ERC1: variants seen among roughly 807,000 people sequenced by gnomAD.
ERC1 encodes the protein ELKS/RAB6-interacting/CAST family member 1, also known as RAB6 interacting protein 2.
Under a neutral mutation model 132.0 loss-of-function variants are expected in ERC1, and 56 were observed. The observed-to-expected ratio is 0.42, with a 90% CI of 0.34 to 0.53. The LOEUF (loss-of-function observed/expected upper bound fraction) is 0.53. Among genes scored for constraint, ERC1 ranks in the 20% least tolerant of loss-of-function variants. The probability of loss-of-function intolerance (pLI) is 0.03; values close to 1 mark genes in which losing one functional copy is unlikely to be tolerated. For synonymous variants in ERC1, 478 were observed against 476.1 expected, an observed-to-expected ratio of 1.00 and a Z score of -0.05; for missense variants, 1,202 against 1,349.9, an observed-to-expected ratio of 0.89 and a Z score of 1.72.
chr12:1,444,323 A>ATGAAGCCAGCGTTCT (rs1395214281), intron 17 of ERC1: 2 of 383,650 alleles, frequency 5.2e-6, no homozygotes, highest in Non-Finnish European at 9.3e-6. Context: ...GTGTGAATAT[A>ATGAAGCCAGCGTTCT]TGAAGCCAGC....
intron 9 of ERC1, among the ~76,000 whole-genome samples, chr12:1,180,963 C>T (rs1954391752): frequency 6.6e-6 from 1 of 151,980 alleles, no homozygotes; most frequent in Non-Finnish European, 1.5e-5. Flanking sequence ...AAGCATGAGC[C>T]ACCATGCCCA....
chr12:1,482,848 C>A (rs1289436671), intron 18 of ERC1, among the ~76,000 whole-genome samples: 1 of 152,122 alleles, frequency 6.6e-6, no homozygotes, highest in South Asian at 2.1e-4. Flanking sequence ...AGTTGTGCAG[C>A]CATCACCATA....
intron 6 of ERC1, among the ~76,000 whole-genome samples, chr12:1,114,112 C>T (rs1240343562): frequency 1.3e-5 from 2 of 152,084 alleles, no homozygotes; most frequent in Non-Finnish European, 2.9e-5. Flanking sequence ...CAACCTCTGA[C>T]TCCCTGGTTC....
At chr12:1,326,532 T>C (rs528015915) in intron 15 of ERC1, among the ~76,000 whole-genome samples, 13 of 152,338 alleles carry the variant, frequency 8.5e-5, no homozygotes, top group African/African-American at 2.2e-4. Flanking sequence ...CAGCATTCTT[T>C]ATCAAAGCCA....
chr12:1,461,108 A>G (rs1398941802), intron 18 of ERC1, among the ~76,000 whole-genome samples: 1 of 151,958 alleles, frequency 6.6e-6, no homozygotes, highest in South Asian at 2.1e-4. Flanking sequence ...ATTCAAAAGA[A>G]TGTTGTAGAA....
intron 16 of ERC1, among the ~76,000 whole-genome samples, chr12:1,396,443 G>A (rs768145285): frequency 2.6e-5 from 4 of 152,126 alleles, no homozygotes; most frequent in African/African-American, 9.7e-5. Context: ...ATCTAAGCTG[G>A]CAATTTTACT....
At chr12:1,178,915 A>G (rs1593996222) in intron 8 of ERC1, among the ~76,000 whole-genome samples, 2 of 152,318 alleles carry the variant, frequency 1.3e-5, no homozygotes, top group East Asian at 1.9e-4. Flanking sequence ...CAGCAACTGG[A>G]AAAGTGCCTG....
intron 14 of ERC1, among the ~76,000 whole-genome samples, chr12:1,270,668 ATATC>A (rs1369370564): frequency 1.3e-5 from 2 of 151,680 alleles, no homozygotes; most frequent in African/African-American, 2.4e-5. Context: ...AATATTTAAT[ATATC>A]TATTGGTTTT....
chr12:1,336,800 T>C (rs1227456307), intron 15 of ERC1, among the ~76,000 whole-genome samples: 1 of 151,462 alleles, frequency 6.6e-6, no homozygotes, highest in East Asian at 1.9e-4. Context: ...AATATCTTTA[T>C]TAATTTTTTT....
intron 12 of ERC1, among the ~76,000 whole-genome samples, chr12:1,234,898 T>C (rs2075309776): frequency 6.6e-6 from 1 of 152,208 alleles, no homozygotes; most frequent in South Asian, 2.1e-4. Flanking sequence ...AATGGAAGTA[T>C]GTTTTTACCT....
chr12:1,243,055 C>T (rs568510700), intron 13 of ERC1, among the ~76,000 whole-genome samples: 58 of 151,398 alleles, frequency 3.8e-4, no homozygotes, highest in Non-Finnish European at 7.8e-4. Flanking sequence ...GGCGCGGTGG[C>T]GGGCGCCTGT....
chr12:1,079,849 A>G (rs1456297903), intron 2 of ERC1, among the ~76,000 whole-genome samples: 1 of 151,778 alleles, frequency 6.6e-6, no homozygotes. Flanking sequence ...AATATGACAA[A>G]AGTCGATATA....
At chr12:1,135,919 C>G (rs1465069647) in intron 7 of ERC1, among the ~76,000 whole-genome samples, 3 of 152,112 alleles carry the variant, frequency 2.0e-5, no homozygotes, top group Non-Finnish European at 4.4e-5. Context: ...TTCTGGATTT[C>G]TAGCTCATAT....
intron 7 of ERC1, among the ~76,000 whole-genome samples, chr12:1,133,165 T>TA (rs958209329): frequency 3.3e-5 from 5 of 151,096 alleles, no homozygotes; most frequent in Non-Finnish European, 7.4e-5. Context: ...GCCGGTTTTT[T>TA]TTTGTTTGTT....
At chr12:1,010,180 C>G (rs28686964) in intron 1 of ERC1, among the ~76,000 whole-genome samples, 3 of 151,946 alleles carry the variant, frequency 2.0e-5, no homozygotes, top group South Asian at 2.1e-4. Context: ...TTTTCCAGGT[C>G]GAAGAGAAAG....
At chr12:1,410,596 T>C (rs1409807574) in intron 17 of ERC1, 1 of 302,610 alleles carries the variant, frequency 3.3e-6, no homozygotes, top group East Asian at 9.0e-5. Context: ...CACGTGATTC[T>C]TGTGTGTGTT....
chr12:1,485,185 G>A (rs1281741582), intron 18 of ERC1, among the ~76,000 whole-genome samples: 2 of 148,176 alleles, frequency 1.3e-5, no homozygotes, highest in Non-Finnish European at 3.0e-5. Flanking sequence ...CCCCAAACCT[G>A]GTCAAGTTTA....
intron 7 of ERC1, among the ~76,000 whole-genome samples, chr12:1,133,469 G>C (rs951474665): frequency 1.3e-5 from 2 of 152,088 alleles, no homozygotes; most frequent in African/African-American, 4.8e-5. Context: ...ACACTGGCTG[G>C]CTTGAGCTGT....
chr12:1,462,314 C>T (rs1319959702), intron 18 of ERC1, among the ~76,000 whole-genome samples: 1 of 152,118 alleles, frequency 6.6e-6, no homozygotes, highest in African/African-American at 2.4e-5. Context: ...TATCCTGTAA[C>T]CCAGGGATCC....
Sources: allele counts gnomAD v4.1 joint callset (sites outside exome capture counted in the v4.1 genomes callset), GRCh38; gene constraint gnomAD v4.1.1; transcripts MANE v1.5; gene names NCBI Gene and HGNC (gene_info 2026-07-23, HGNC 2026-07-21).